The following EZH2 variants were observed in gnomAD, a reference collection of about 807,000 sequenced individuals.
The protein encoded by EZH2 is histone-lysine N-methyltransferase EZH2.
EZH2 carries 18 observed loss-of-function variants against 98.4 expected under a neutral mutation model. The observed-to-expected ratio is 0.18, with a 90% CI of 0.13 to 0.27. The LOEUF (loss-of-function observed/expected upper bound fraction) is 0.27. Ranked by LOEUF, EZH2 falls within the 10% of genes least tolerant of loss-of-function variation. The pLI is 1.00. For synonymous variants in EZH2, 338 were observed against 312.3 expected, an observed-to-expected ratio of 1.08 and a Z score of -0.87; for missense variants, 470 against 935.1, an observed-to-expected ratio of 0.50 and a Z score of 6.49.
At chr7:148,841,286 C>G (rs1165289249) in intron 3 of EZH2, among the ~76,000 whole-genome samples, 1 of 151,764 alleles carries the variant, frequency 6.6e-6, no homozygotes, top group Admixed American at 6.6e-5. Flanking sequence ...AATGTTACAT[C>G]TATTTCAGCC....
intron 1 of EZH2, among the ~76,000 whole-genome samples, chr7:148,864,879 C>T (rs1333292368): frequency 6.6e-6 from 1 of 151,966 alleles, no homozygotes; most frequent in African/African-American, 2.4e-5. Context: ...GTAATCCTAG[C>T]ACTTTGGGAG....
intron 7 of EZH2, among the ~76,000 whole-genome samples, chr7:148,826,930 GTA>G (rs568551281): frequency 1.2e-4 from 19 of 152,202 alleles, no homozygotes; most frequent in African/African-American, 3.9e-4. Context: ...TAAATTTTAT[GTA>G]TATGTGTGTG....
At chr7:148,839,916 A>C (rs139784822) in intron 3 of EZH2, among the ~76,000 whole-genome samples, 3 of 152,354 alleles carry the variant, frequency 2.0e-5, no homozygotes, top group African/African-American at 7.2e-5. Context: ...ATTGCACAAG[A>C]TCCAACACTG....
intron 16 of EZH2, 33 bp downstream of exon 16, chr7:148,811,592 A>G (rs1370089741): frequency 2.6e-6 from 4 of 1,539,098 alleles, no homozygotes; most frequent in South Asian, 1.1e-5. Context: ...AGTATATACA[A>G]TGCCACCTGA....
At chr7:148,857,882 G>C (rs777375689) in intron 1 of EZH2, among the ~76,000 whole-genome samples, 1 of 151,942 alleles carries the variant, frequency 6.6e-6, no homozygotes, top group African/African-American at 2.4e-5. Context: ...TTCACTTTTA[G>C]AAGTGATAAC....
In EZH2 at chr7:148,810,340, C is replaced by G; in HGVS notation, c.2022G>C (p.Leu674Phe). The G allele has an allele frequency of 6.2e-7, 1 of 1,606,712 alleles. No homozygotes were observed. Among genetic ancestry groups the G allele is most frequent in the Non-Finnish European group, 8.5e-7 (1 of 1,173,934 alleles). ...DKYMCSFLFN[L>F]NNDFVVDATR... ...CCCAGCTCTGAAACATACCATTGTT[C>G]AAGTTGAACAGAAAGCTGCACATGT... Residue 674 changes from leucine (L) to phenylalanine (F), a missense_variant, in exon 17 of 20, where the codon TTG (leucine) becomes TTC (phenylalanine). By Grantham distance (22) the Leu-to-Phe change is conservative. Coordinates refer to ENST00000320356, the MANE Select transcript of EZH2 (RefSeq NM_004456.5).
chr7:148,843,886 C>T (rs549252317), intron 3 of EZH2, among the ~76,000 whole-genome samples: 3 of 151,988 alleles, frequency 2.0e-5, no homozygotes, highest in East Asian at 3.9e-4. Context: ...TGAGCCACCG[C>T]GCCCGGCCAA....
At chr7:148,815,068 A>C in intron 13 of EZH2, 29 bp from the exon 14 acceptor site, 4 of 1,609,500 alleles carry the variant, frequency 2.5e-6, no homozygotes, top group Non-Finnish European at 3.4e-6. Flanking sequence ...ATGCAGGCCA[A>C]TGAATCCAGG....
At chr7:148,833,981 A>C (rs1156391593) in intron 3 of EZH2, among the ~76,000 whole-genome samples, 2 of 152,212 alleles carry the variant, frequency 1.3e-5, no homozygotes, top group Non-Finnish European at 2.9e-5. Flanking sequence ...ACAATCTATG[A>C]TGACAGCGAT....
At position 148,824,977 on chromosome 7, in the gene EZH2, A is replaced by G. The variant is rs186799339; in HGVS notation, c.907+1477T>C. Among the ~76,000 whole-genome samples, 285 of 152,356 alleles carry G rather than the reference A, an allele frequency of 1.9e-3. 1 individual carries two copies. The highest frequency in any genetic ancestry group is 6.5e-3 in the African/African-American group (270 of 41,578). Reference sequence around the variant, plus strand: ...TTCAAGATTCAAGTTAACAAAAAAAAAAATTACTCATCTCTGAATGGCACA... The same window carrying G: ...TTCAAGATTCAAGTTAACAAAAAAAGAAATTACTCATCTCTGAATGGCACA... On this transcript the variant is annotated intron_variant, in intron 8 of 19. Transcript: ENST00000320356.
Position 148,809,335 on chromosome 7 carries a change from C to T in EZH2, c.2085G>A (p.Ser695=), listed in dbSNP as rs764835583. The change falls in exon 18 of 20, where the codon TCG becomes TCA. Residue 695 remains serine, a synonymous_variant. Coordinates refer to ENST00000320356, the MANE Select transcript of EZH2 (RefSeq NM_004456.5). ...KGNKIRFANH[S]VNPNCYAKVM... ...CTTTTGCATAGCAGTTTGGATTTACCGAATGATTTGCAAAACGAATTTTGT... is the reference window on the plus strand; with the variant it reads ...CTTTTGCATAGCAGTTTGGATTTACTGAATGATTTGCAAAACGAATTTTGT... The T allele has an allele frequency of 5.0e-6, 8 of 1,603,486 alleles. No individual in the cohort carries two copies. The highest frequency in any genetic ancestry group is 2.2e-5 in the East Asian group (1 of 44,558).
intron 1 of EZH2, among the ~76,000 whole-genome samples, chr7:148,874,117 G>A (rs893383463): frequency 1.6e-4 from 24 of 147,578 alleles, no homozygotes; most frequent in African/African-American, 6.0e-4. Flanking sequence ...CAGGCACAGC[G>A]GCTCATGCCT....
chr7:148,848,699 G>C (rs1405443990), intron 1 of EZH2, among the ~76,000 whole-genome samples: 3 of 152,104 alleles, frequency 2.0e-5, no homozygotes, highest in East Asian at 3.8e-4. Context: ...ATACGAACTT[G>C]AATAAAATGA....
intron 1 of EZH2, among the ~76,000 whole-genome samples, chr7:148,873,214 G>A (rs927839291): frequency 6.6e-6 from 1 of 151,832 alleles, no homozygotes; most frequent in Admixed American, 6.6e-5. Context: ...AAAAGAGGCC[G>A]GGCATGGTGG....
At chr7:148,855,654 C>CT (rs553405949) in intron 1 of EZH2, among the ~76,000 whole-genome samples, 4 of 152,052 alleles carry the variant, frequency 2.6e-5, no homozygotes, top group Non-Finnish European at 5.9e-5. Context: ...AATCCCAGCA[C>CT]TTTGGGAGAC....
chr7:148,832,597 T>C, intron 4 of EZH2, 37 bp downstream of exon 4: 1 of 1,087,020 alleles, frequency 9.2e-7, no homozygotes, highest in Non-Finnish European at 1.4e-6. Context: ...TCAAATAAGT[T>C]ATTATCAAAT....
intron 11 of EZH2, chr7:148,816,984 TCTTACTAG>T (rs1804729356): frequency 1.7e-6 from 1 of 595,500 alleles, no homozygotes; most frequent in East Asian, 2.8e-5. Flanking sequence ...AAATTTCAAT[TCTTACTAG>T]CTTTTAAAAG....
In EZH2 at chr7:148,815,534, T is replaced by G. The variant is rs1474211340; in HGVS notation, c.1518A>C (p.Ala506=). 6.2e-7 allele frequency: 1 copy of G among 1,614,124 alleles called. No individual in the cohort carries two copies. Among genetic ancestry groups the G allele is most frequent in the Non-Finnish European group, 8.5e-7 (1 of 1,180,038 alleles). The change falls in exon 13 of 20, where the codon GCA becomes GCC. Residue 506 remains alanine (A), a synonymous_variant. Coordinates refer to ENST00000320356, the MANE Select transcript of EZH2 (RefSeq NM_004456.5). ...KKKRKHRLWA[A]HCRKIQLKKD... Reference sequence around the variant, plus strand: ...TTTTCAGCTGTATCTTTCTGCAGTGTGCAGCCCACAACCTGCAAAAACACA... The same window carrying G: ...TTTTCAGCTGTATCTTTCTGCAGTGGGCAGCCCACAACCTGCAAAAACACA...
At chr7:148,817,569 A>T (rs1352573643) in intron 10 of EZH2, 178 bp from the exon 11 acceptor site, 3 of 686,770 alleles carry the variant, frequency 4.4e-6, no homozygotes, top group African/African-American at 1.8e-5. Flanking sequence ...AACGTCAAGA[A>T]TATTAAACCA....
Sources: gnomAD v4.1 joint callset for allele counts (sites outside exome capture counted in the v4.1 genomes callset) on GRCh38, gnomAD v4.1.1 for gene constraint, MANE v1.5 for transcripts, NCBI Gene and HGNC (gene_info 2026-07-23, HGNC 2026-07-21) for gene names.